PPP3CA: variants seen among roughly 807,000 people sequenced by gnomAD.
PPP3CA encodes the protein CAM-PRP catalytic subunit.
In PPP3CA, 14 loss-of-function variants were observed where a neutral mutation model predicts 66.5. That is an observed-to-expected ratio of 0.21 (90% CI 0.14 to 0.33). The LOEUF (loss-of-function observed/expected upper bound fraction) is 0.33. PPP3CA is among the 10% of genes least tolerant of loss of function. The pLI, the probability that PPP3CA is intolerant of heterozygous loss-of-function variation, is 1.00. For synonymous variants in PPP3CA, 232 were observed against 226.2 expected (o/e 1.03, Z -0.23); for missense variants, 317 against 639.5 (o/e 0.50, Z 5.44).
intron 5 of PPP3CA, among the ~76,000 whole-genome samples, chr4:101,095,279 C>A (rs911905823): frequency 6.6e-6 from 1 of 152,002 alleles, no homozygotes; most frequent in African/African-American, 2.4e-5. Flanking sequence ...AAGGGTAGGA[C>A]AGTAGAGGAG....
At position 101,029,285 on chromosome 4, in the gene PPP3CA, G is replaced by A. The variant is rs908017455; in HGVS notation, c.1340-90C>T. The A allele has an allele frequency of 1.8e-5, 20 of 1,086,288 alleles. No individual in the cohort carries two copies. The East Asian group carries it at 6.9e-4, about 37-fold the overall frequency. 67.3% of individuals were successfully genotyped at this position (1,086,288 alleles called of 1,614,324 possible). A position where few individuals can be genotyped will look rare whatever the true frequency, so the allele number is the denominator to read the frequency against. On this transcript the variant is annotated intron_variant, in intron 12 of 13. Transcript: ENST00000394854. Reference sequence around the variant, plus strand: ...GAACAAATCAGTGACCATCAAAGGAGCTAAGAGAACTAATGTTCCTGTAAG... The same window carrying A: ...GAACAAATCAGTGACCATCAAAGGAACTAAGAGAACTAATGTTCCTGTAAG...
At chr4:101,265,314 G>T (rs892008520) in intron 1 of PPP3CA, among the ~76,000 whole-genome samples, 1 of 151,916 alleles carries the variant, frequency 6.6e-6, no homozygotes, top group African/African-American at 2.4e-5. Flanking sequence ...TTGCTCTGTT[G>T]CCCAGGCCAG....
intron 2 of PPP3CA, among the ~76,000 whole-genome samples, chr4:101,128,734 C>T (rs1468505667): frequency 6.6e-6 from 1 of 152,108 alleles, no homozygotes; most frequent in Non-Finnish European, 1.5e-5. Context: ...ACGCTTTCCC[C>T]ACGGCCTTTG....
At chr4:101,031,347 C>A (rs1015635212) in intron 12 of PPP3CA, among the ~76,000 whole-genome samples, 14 of 152,058 alleles carry the variant, frequency 9.2e-5, no homozygotes, top group Non-Finnish European at 1.6e-4. Flanking sequence ...AGCATATTTT[C>A]ATTTTAATTT....
intron 7 of PPP3CA, among the ~76,000 whole-genome samples, chr4:101,082,110 C>G (rs183313267): frequency 6.6e-6 from 1 of 152,086 alleles, no homozygotes; most frequent in Non-Finnish European, 1.5e-5. Context: ...GGCAGTCAGC[C>G]GACTGGAACA....
intron 11 of PPP3CA, among the ~76,000 whole-genome samples, chr4:101,032,615 G>A (rs1269915051): frequency 1.3e-5 from 2 of 151,558 alleles, no homozygotes; most frequent in Non-Finnish European, 2.9e-5. Context: ...TTTGAGTATC[G>A]AAGCTAGATA....
chr4:101,315,567 G>A (rs1243832776), intron 1 of PPP3CA, among the ~76,000 whole-genome samples: 3 of 152,108 alleles, frequency 2.0e-5, no homozygotes, highest in African/African-American at 7.2e-5. Context: ...AAAGAATAAA[G>A]CCAATAAAGT....
chr4:101,106,458 A>AGAAAGAAAGAAGAGAAG lies in PPP3CA; in HGVS notation c.384+2495_384+2496insCTTCTCTTCTTTCTTTC, dbSNP rs1560605216. 1.3e-3 allele frequency among the ~76,000 whole-genome samples: 43 copies of AGAAAGAAAGAAGAGAAG among 32,716 alleles called. 5 individuals carry two copies. The highest frequency in any genetic ancestry group is 1.7e-3 in the Non-Finnish European group (29 of 17,306). 21.5% of individuals were successfully genotyped at this position (32,716 alleles called of 152,430 possible). ...GAAAGAAAGAAAGAAAGAAAGAGAA[A>AGAAAGAAAGAAGAGAAG]AGAAAAGAAAAGAAAAGAAAAGAAA... On this transcript the variant is annotated intron_variant, in intron 3 of 13. Coordinates refer to ENST00000394854, the MANE Select transcript of PPP3CA (RefSeq NM_000944.5).
At chr4:101,149,427 A>C (rs1032989134) in intron 2 of PPP3CA, among the ~76,000 whole-genome samples, 2 of 152,174 alleles carry the variant, frequency 1.3e-5, no homozygotes, top group African/African-American at 4.8e-5. Flanking sequence ...AAAGATTAAC[A>C]TTTCAAATCC....
chr4:101,025,941 T>A lies in PPP3CA; in HGVS notation c.1490A>T (p.Asn497Ile). Residue 497 changes from asparagine to isoleucine, a missense_variant, in exon 14 of 14, where the codon AAC (asparagine) becomes ATC (isoleucine). By Grantham distance (149) the Asn-to-Ile change is moderately radical (BLOSUM62 -3). Transcript: ENST00000394854. Reference protein sequence around the residue: ...RDAMPSDANLNSINKALTSET... With the variant: ...RDAMPSDANLISINKALTSET... ...TGAGGTGAGAGCCTTGTTGATGGAG[T>A]TAAGGTTGGCGTCAGAGGGCATGGC... 2.5e-6 allele frequency: 4 copies of A among 1,611,656 alleles called. No homozygotes were observed. The highest frequency in any genetic ancestry group is 3.4e-6 in the Non-Finnish European group (4 of 1,179,504).
rs896776721 is a variant in PPP3CA, at chr4:101,090,896, A to G, written c.782+2880T>C. Among the ~76,000 whole-genome samples the G allele has an allele frequency of 4.6e-4, 53 of 115,690 alleles. 1 individual carries two copies. Among genetic ancestry groups the G allele is most frequent in the Non-Finnish European group, 4.1e-4 (23 of 55,760 alleles). The allele number at this position is 115,690 out of a possible 152,430, so 75.9% of individuals were successfully genotyped here. A position where few individuals can be genotyped will look rare whatever the true frequency, so the allele number is the denominator to read the frequency against. ...TGTGTCTATATTATAATATACACAC[A>G]TATCTGTGTCTATATTATAATATAC... On this transcript the variant is annotated intron_variant, in intron 6 of 13. Transcript: ENST00000394854.
chr4:101,092,304 T>G (rs1404807330), intron 6 of PPP3CA, among the ~76,000 whole-genome samples: 1 of 152,196 alleles, frequency 6.6e-6, no homozygotes, highest in African/African-American at 2.4e-5. Flanking sequence ...AAGAAGGAAT[T>G]AAATGATTGA....
chr4:101,346,552 G>A (rs1239858911), intron 1 of PPP3CA, among the ~76,000 whole-genome samples, 187 bp downstream of exon 1: 1 of 152,092 alleles, frequency 6.6e-6, no homozygotes, highest in African/African-American at 2.4e-5. Context: ...GGGACGCGTG[G>A]GGGAAGGGCG....
At chr4:101,110,963 CATA>C (rs1276859623) in intron 2 of PPP3CA, among the ~76,000 whole-genome samples, 4 of 151,980 alleles carry the variant, frequency 2.6e-5, no homozygotes, top group Admixed American at 6.6e-5. Flanking sequence ...AAGATATGAG[CATA>C]ATAATTTTAA....
In PPP3CA at chr4:101,098,433, G is replaced by T; in HGVS notation, c.576C>A (p.Asn192Lys). 6.2e-7 allele frequency: 1 copy of T among 1,612,708 alleles called. No individual in the cohort carries two copies. The highest frequency in any genetic ancestry group is 2.2e-5 in the East Asian group (1 of 44,774). The change falls in exon 5 of 14, where the codon AAC becomes AAA. Residue 192 changes from asparagine (N) to lysine (K), a missense_variant. Asn to Lys is a moderately conservative substitution (Grantham distance 94). Coordinates refer to ENST00000394854, the MANE Select transcript of PPP3CA (RefSeq NM_000944.5). ...CACCATGCACACACAGGAACTGTTG[G>T]TTCATCAGGGCAGCCAGGGGAAGGC... is the stretch of plus-strand genomic sequence containing the variant. ...FDCLPLAALM[N>K]QQFLCVHGGL... is the part of the protein sequence containing the mutation.
intron 1 of PPP3CA, among the ~76,000 whole-genome samples, chr4:101,230,668 GTAATAGCACCTCCGAGC>G (rs1454862937): frequency 6.6e-6 from 1 of 151,566 alleles, no homozygotes; most frequent in Non-Finnish European, 1.5e-5. Context: ...TTACCTGCCT[GTAATAGCACCTCCGAGC>G]TAAAAGGTCA....
intron 1 of PPP3CA, among the ~76,000 whole-genome samples, chr4:101,224,930 T>C (rs1166559231): frequency 2.0e-5 from 3 of 151,668 alleles, no homozygotes; most frequent in African/African-American, 4.8e-5. Context: ...TCTTTTGCCC[T>C]CTTCTGCTTT....
chr4:101,188,321 A>G (rs1451557092), intron 2 of PPP3CA, among the ~76,000 whole-genome samples: 1 of 152,130 alleles, frequency 6.6e-6, no homozygotes. Flanking sequence ...ACAAGGCAAA[A>G]GAAAACTTGG....
chr4:101,176,114 A>G (rs1418331141), intron 2 of PPP3CA, among the ~76,000 whole-genome samples: 4 of 152,142 alleles, frequency 2.6e-5, no homozygotes, highest in African/African-American at 9.7e-5. Flanking sequence ...ACATGATGTA[A>G]GAAAGCAGAA....
Sources: allele counts gnomAD v4.1 joint callset (sites outside exome capture counted in the v4.1 genomes callset), GRCh38; gene constraint gnomAD v4.1.1; transcripts MANE v1.5; gene names NCBI Gene and HGNC (gene_info 2026-07-23, HGNC 2026-07-21).